RBFOX1: variants seen among roughly 807,000 people sequenced by gnomAD.
RBFOX1 encodes RNA binding protein fox-1 homolog 1.
A neutral mutation model predicts 57.7 loss-of-function variants in RBFOX1; 8 were observed. That is an observed-to-expected ratio of 0.14 (90% CI 0.08 to 0.25). The LOEUF (loss-of-function observed/expected upper bound fraction) is 0.25, where lower values mean the gene tolerates loss of function less well. Among genes scored for constraint, RBFOX1 ranks in the 10% least tolerant of loss-of-function variants. RBFOX1 has a pLI of 1.00. For synonymous variants in RBFOX1, 326 were observed against 222.4 expected (o/e 1.47, Z -4.15); for missense variants, 611 against 548.5 (o/e 1.11, Z -1.14).
intron 2 of RBFOX1, among the ~76,000 whole-genome samples, chr16:6,562,368 G>C (rs915921189): frequency 2.0e-5 from 3 of 152,200 alleles, no homozygotes; most frequent in African/African-American, 7.2e-5. Context: ...GAGTGAAATA[G>C]TATCCATAAA....
At chr16:6,135,457 T>G (rs1206246593) in intron 1 of RBFOX1, among the ~76,000 whole-genome samples, 1 of 152,114 alleles carries the variant, frequency 6.6e-6, no homozygotes, top group Non-Finnish European at 1.5e-5. Context: ...TGTATAAAAT[T>G]TTGCCACTTG....
intron 4 of RBFOX1, among the ~76,000 whole-genome samples, chr16:7,196,635 T>G (rs111268752): frequency 3.3e-5 from 5 of 152,156 alleles, no homozygotes; most frequent in African/African-American, 1.2e-4. Flanking sequence ...TTCAAAGAAC[T>G]TGTAGTTAGG....
intron 1 of RBFOX1, among the ~76,000 whole-genome samples, chr16:5,457,191 C>G (rs926697269): frequency 2.6e-5 from 4 of 152,114 alleles, no homozygotes; most frequent in African/African-American, 9.7e-5. Context: ...GACTGGAGTG[C>G]AGTGACATGA....
At chr16:7,629,494 G>T (rs1285237882) in intron 10 of RBFOX1, among the ~76,000 whole-genome samples, 2 of 152,128 alleles carry the variant, frequency 1.3e-5, no homozygotes, top group Non-Finnish European at 2.9e-5. Flanking sequence ...TCAAACTGGG[G>T]CGGTTGACCT....
intron 3 of RBFOX1, among the ~76,000 whole-genome samples, chr16:5,724,816 C>A (rs150529361): frequency 3.3e-4 from 51 of 152,308 alleles, no homozygotes; most frequent in African/African-American, 1.1e-3. Context: ...CACCAGCCCA[C>A]TAACATAGAT....
chr16:5,804,299 G>A (rs1270370582), intron 3 of RBFOX1, among the ~76,000 whole-genome samples: 1 of 152,198 alleles, frequency 6.6e-6, no homozygotes, highest in Non-Finnish European at 1.5e-5. Context: ...ATATGTGAAT[G>A]AATAGATGAA....
chr16:6,275,734 C>T (rs2075734719), intron 1 of RBFOX1, among the ~76,000 whole-genome samples: 1 of 152,074 alleles, frequency 6.6e-6, no homozygotes, highest in South Asian at 2.1e-4. Context: ...ACTAAGGATA[C>T]ATAAATGCCA....
At chr16:7,645,271 G>C (rs987046503) in intron 11 of RBFOX1, among the ~76,000 whole-genome samples, 8 of 152,108 alleles carry the variant, frequency 5.3e-5, no homozygotes, top group African/African-American at 1.9e-4. Context: ...GCAGTGTTTT[G>C]TGAGTAACTA....
At chr16:6,432,572 C>T (rs548586858) in intron 2 of RBFOX1, among the ~76,000 whole-genome samples, 2 of 151,684 alleles carry the variant, frequency 1.3e-5, no homozygotes, top group Admixed American at 6.6e-5. Context: ...ATCCCAGCTT[C>T]TGGGGAGGCT....
chr16:6,564,929 T>C (rs1228588634), intron 2 of RBFOX1, among the ~76,000 whole-genome samples: 3 of 151,926 alleles, frequency 2.0e-5, no homozygotes, highest in Non-Finnish European at 4.4e-5. Context: ...TCACTTGAGG[T>C]CAGGAGTTGG....
chr16:6,815,110 CCATATAG>C (rs2089773696), intron 3 of RBFOX1, among the ~76,000 whole-genome samples: 1 of 152,126 alleles, frequency 6.6e-6, no homozygotes, highest in South Asian at 2.1e-4. Flanking sequence ...CCATTTCCGA[CCATATAG>C]CGTAACTTCC....
chr16:6,193,379 TTA>T (rs1484355546), intron 1 of RBFOX1, among the ~76,000 whole-genome samples: 7 of 63,136 alleles, frequency 1.1e-4, no homozygotes, highest in African/African-American at 3.6e-4. Context: ...TATATATACA[TTA>T]TATATATATA....
intron 1 of RBFOX1, among the ~76,000 whole-genome samples, chr16:5,431,608 T>C (rs922770429): frequency 1.3e-5 from 2 of 152,032 alleles, no homozygotes; most frequent in African/African-American, 2.4e-5. Context: ...CTCCTGACCT[T>C]GTGATCCGCC....
At chr16:7,004,856 C>T (rs558664305) in intron 3 of RBFOX1, among the ~76,000 whole-genome samples, 8 of 152,058 alleles carry the variant, frequency 5.3e-5, no homozygotes, top group Non-Finnish European at 7.4e-5. Flanking sequence ...AGGTTGAATC[C>T]TTGAGCAAAG....
At chr16:7,580,471 A>G (rs754064805) in intron 6 of RBFOX1, among the ~76,000 whole-genome samples, 1 of 152,156 alleles carries the variant, frequency 6.6e-6, no homozygotes, top group Non-Finnish European at 1.5e-5. Context: ...ATGAGCTACC[A>G]GTTTCTAAGT....
chr16:6,170,057 T>C (rs2096948281), intron 1 of RBFOX1, among the ~76,000 whole-genome samples: 1 of 152,164 alleles, frequency 6.6e-6, no homozygotes, highest in Admixed American at 6.5e-5. Flanking sequence ...CATGATCTTA[T>C]CGACCTATTA....
intron 3 of RBFOX1, among the ~76,000 whole-genome samples, chr16:5,805,763 C>G (rs1322014377): frequency 1.3e-5 from 2 of 152,164 alleles, no homozygotes; most frequent in African/African-American, 2.4e-5. Context: ...AACCCATATT[C>G]TAGCAGAGAG....
chr16:6,429,575 C>T (rs971588972), intron 2 of RBFOX1, among the ~76,000 whole-genome samples: 2 of 152,156 alleles, frequency 1.3e-5, no homozygotes, highest in Non-Finnish European at 2.9e-5. Context: ...TGTGTCCCCA[C>T]CCAAATCTCA....
intron 4 of RBFOX1, among the ~76,000 whole-genome samples, chr16:7,135,405 G>A (rs1269888735): frequency 1.3e-5 from 2 of 152,196 alleles, no homozygotes; most frequent in Non-Finnish European, 2.9e-5. Flanking sequence ...CATGCACAAA[G>A]TAAGATTTAT....
Sources: gnomAD v4.1 joint callset for allele counts (sites outside exome capture counted in the v4.1 genomes callset) on GRCh38, gnomAD v4.1.1 for gene constraint, MANE v1.5 for transcripts, NCBI Gene and HGNC (gene_info 2026-07-23, HGNC 2026-07-21) for gene names.